Variants in MCCC1 observed in about 807,000 individuals in gnomAD.
The protein encoded by MCCC1 is methylcrotonoyl-CoA carboxylase subunit alpha, mitochondrial.
MCCC1 carries 64 observed loss-of-function variants against 83.8 expected under a neutral mutation model. The observed-to-expected ratio is 0.76, with a 90% CI of 0.62 to 0.94. MCCC1 has a LOEUF of 0.94. MCCC1 is among the 40% of genes least tolerant of loss of function. The pLI is 0.00. For missense variants in MCCC1, 807 were observed against 904.7 expected, an observed-to-expected ratio of 0.89 and a Z score of 1.39; for synonymous variants, 322 against 315.4, an observed-to-expected ratio of 1.02 and a Z score of -0.22.
At chr3:183,059,284 G>T (rs1231436033) in intron 7 of MCCC1, among the ~76,000 whole-genome samples, 1 of 152,224 alleles carries the variant, frequency 6.6e-6, no homozygotes, top group Non-Finnish European at 1.5e-5. Flanking sequence ...ACTCCAGCCT[G>T]GGTGACAGAG....
intron 4 of MCCC1, among the ~76,000 whole-genome samples, chr3:183,082,794 A>G (rs1717609045): frequency 6.6e-6 from 1 of 152,188 alleles, no homozygotes; most frequent in African/African-American, 2.4e-5. Flanking sequence ...CCTGGGAAAC[A>G]CAGTGAGACT....
intron 4 of MCCC1, among the ~76,000 whole-genome samples, chr3:183,084,786 G>C (rs961107100): frequency 2.6e-5 from 4 of 152,110 alleles, no homozygotes; most frequent in African/African-American, 9.7e-5. Flanking sequence ...GCTGGGCATG[G>C]TGATGCAAGC....
At chr3:183,085,845 A>G (rs540262583) in intron 4 of MCCC1, among the ~76,000 whole-genome samples, 1 of 152,110 alleles carries the variant, frequency 6.6e-6, no homozygotes, top group South Asian at 2.1e-4. Flanking sequence ...AAACTTGAAC[A>G]AGGAAGCTTT....
intron 1 of MCCC1, among the ~76,000 whole-genome samples, chr3:183,107,515 A>T (rs560703161): frequency 6.7e-6 from 1 of 149,950 alleles, no homozygotes; most frequent in East Asian, 1.9e-4. Context: ...TGTTTTTATT[A>T]TTATTATTAT....
At chr3:183,042,943 T>C (rs59155355) in intron 10 of MCCC1, among the ~76,000 whole-genome samples, 4,026 of 152,308 alleles carry the variant, frequency 0.026, 157 homozygotes, top group East Asian at 0.095. Context: ...CATGTGTATG[T>C]TTATTGCAGC....
chr3:183,099,600 A>T (rs533220039), upstream of MCCC1: 5 of 799,602 alleles, frequency 6.3e-6, no homozygotes, highest in Non-Finnish European at 1.0e-5. Context: ...GGGCGTCTCC[A>T]CGAACACCAA....
At chr3:183,092,287 T>G in intron 3 of MCCC1, 122 bp downstream of exon 3, 2 of 1,262,568 alleles carry the variant, frequency 1.6e-6, no homozygotes, top group South Asian at 2.5e-5. Context: ...AGTGAGCAGT[T>G]TGAACTTACC....
At chr3:183,102,775 T>A (rs1038664943), upstream of MCCC1, among the ~76,000 whole-genome samples, 7 of 95,190 alleles carry the variant, frequency 7.4e-5, no homozygotes, top group African/African-American at 1.0e-4. Flanking sequence ...TTTTTTTTTT[T>A]TTTTTTTTTT....
At chr3:183,083,185 T>A (rs1253964464) in intron 4 of MCCC1, among the ~76,000 whole-genome samples, 1 of 152,226 alleles carries the variant, frequency 6.6e-6, no homozygotes, top group Non-Finnish European at 1.5e-5. Context: ...ACAAGTGTTA[T>A]TCAATGTCCT....
At chr3:183,024,989 T>C (rs1247006734) in intron 15 of MCCC1, among the ~76,000 whole-genome samples, 1 of 150,150 alleles carries the variant, frequency 6.7e-6, no homozygotes, top group Non-Finnish European at 1.5e-5. Flanking sequence ...AATTCTCACA[T>C]ATGCTACACC....
chr3:183,095,302 A>G (rs1560284270), intron 1 of MCCC1, among the ~76,000 whole-genome samples: 2 of 152,080 alleles, frequency 1.3e-5, no homozygotes, highest in Non-Finnish European at 2.9e-5. Flanking sequence ...AACAAAAACA[A>G]AAAGAACAAA....
rs148061778 is a variant in MCCC1, at chr3:183,114,664, A to G, written c.-102+810T>C. 3.7e-3 allele frequency among the ~76,000 whole-genome samples: 558 copies of G among 152,338 alleles called. 3 individuals are homozygous for G. The highest frequency in any genetic ancestry group is 5.9e-3 in the Admixed American group (91 of 15,298). Reference sequence around the variant, plus strand: ...TCCCTTTGGGGGAAGAAGGGGAAGAATCTTCACAGGCTCTTCCTCCTAGAG... The same window carrying G: ...TCCCTTTGGGGGAAGAAGGGGAAGAGTCTTCACAGGCTCTTCCTCCTAGAG... On this transcript the variant is annotated intron_variant, in intron 1 of 17. Transcript: ENST00000492597.
chr3:183,020,346 T>C, intron 16 of MCCC1, 109 bp from the exon 17 acceptor site: 5 of 934,994 alleles, frequency 5.3e-6, no homozygotes, highest in South Asian at 1.4e-5. Flanking sequence ...ATATTAGTCA[T>C]CATGGCCAGG....
At chr3:183,069,024 G>A (rs1716456329) in intron 7 of MCCC1, among the ~76,000 whole-genome samples, 1 of 152,082 alleles carries the variant, frequency 6.6e-6, no homozygotes, top group Non-Finnish European at 1.5e-5. Context: ...CTGTATATAA[G>A]AATATTAATA....
chr3:183,080,029 C>T (rs1213746185), intron 4 of MCCC1, among the ~76,000 whole-genome samples: 1 of 152,196 alleles, frequency 6.6e-6, no homozygotes, highest in Admixed American at 6.5e-5. Flanking sequence ...GCCTGGCCCA[C>T]AAAACCATTT....
chr3:183,112,794 G>T (rs538986259), intron 1 of MCCC1, among the ~76,000 whole-genome samples: 2 of 152,020 alleles, frequency 1.3e-5, no homozygotes, highest in African/African-American at 4.8e-5. Flanking sequence ...TCCTTTGAAG[G>T]CTGGGCGCAT....
intron 4 of MCCC1, among the ~76,000 whole-genome samples, chr3:183,075,792 G>A (rs775360972): frequency 8.6e-5 from 13 of 151,622 alleles, no homozygotes; most frequent in Admixed American, 2.0e-4. Flanking sequence ...TGCCCGCCTC[G>A]GCCTCCCAAA....
Position 183,064,636 on chromosome 3 carries a change from G to A in MCCC1, c.761+6363C>T, listed in dbSNP as rs924739720. ...TGCGGTACGCCTCCTGCGCGTTGCCGAAGTCCACTGCGGGCACCGGCGGCC... is the reference window on the plus strand; with the variant it reads ...TGCGGTACGCCTCCTGCGCGTTGCCAAAGTCCACTGCGGGCACCGGCGGCC... On this transcript the variant is annotated intron_variant, in intron 7 of 18. Transcript: ENST00000265594. The surrounding 1 kb of genome is among the most constrained non-coding windows in gnomAD (Gnocchi z 4.5). 6.6e-6 allele frequency among the ~76,000 whole-genome samples: 1 copy of A among 152,196 alleles called. No individual in the cohort carries two copies. Among genetic ancestry groups the A allele is most frequent in the Non-Finnish European group, 1.5e-5 (1 of 68,036 alleles).
chr3:183,041,679 T>G lies in MCCC1; in HGVS notation c.1155A>C (p.Arg385Ser), dbSNP rs119103213. 179 of 1,614,088 alleles carry G rather than the reference T, an allele frequency of 1.1e-4. No individual in the cohort carries two copies. Among genetic ancestry groups the G allele is most frequent in the Non-Finnish European group, 1.4e-4 (169 of 1,180,042 alleles). The change falls in exon 11 of 19, where the codon AGA (arginine) becomes AGC (serine). Residue 385 changes from arginine to serine, a missense_variant. Coordinates refer to ENST00000265594, the MANE Select transcript of MCCC1 (RefSeq NM_020166.5). ...TATTGCTAGGATCTTCTGCATATAT[T>G]CTAGCTTCGAAGGCATGGCCCTGCA... is the stretch of plus-strand genomic sequence containing the variant. ...ITLQGHAFEA[R>S]IYAEDPSNNF...
Sources: gnomAD v4.1 joint callset for allele counts (sites outside exome capture counted in the v4.1 genomes callset) on GRCh38, gnomAD v4.1.1 for gene constraint, Gnocchi (gnomAD v3.1) non-coding constraint, MANE v1.5 for transcripts, NCBI Gene and HGNC (gene_info 2026-07-23, HGNC 2026-07-21) for gene names.